SLC25A29: variants seen among roughly 807,000 people sequenced by gnomAD.
SLC25A29 encodes solute carrier family 25 member 29.
A neutral mutation model predicts 10.0 loss-of-function variants in SLC25A29; 13 were observed. The observed-to-expected ratio is 1.30, with a 90% CI of 0.85 to 2.07. The LOEUF (loss-of-function observed/expected upper bound fraction) is 2.07, where lower values mean the gene tolerates loss of function less well. Among genes scored for constraint, SLC25A29 ranks in the 30% most tolerant of loss-of-function variants. The pLI, the probability that SLC25A29 is intolerant of heterozygous loss-of-function variation, is 0.00. For missense variants in SLC25A29, 475 were observed against 447.6 expected (o/e 1.06, Z -0.55); for synonymous variants, 244 against 221.1 (o/e 1.10, Z -0.92).
At chr14:100,302,050 C>CTT (rs34185759) in intron 1 of SLC25A29, among the ~76,000 whole-genome samples, 11 of 146,038 alleles carry the variant, frequency 7.5e-5, no homozygotes, top group South Asian at 2.2e-4. Context: ...TAGAGCCTTT[C>CTT]TTTTTTTTTT....
chr14:100,296,069 CG>C lies in SLC25A29; in HGVS notation c.79-2693del, dbSNP rs781163180. On this transcript the variant is annotated intron_variant, in intron 2 of 3. Transcript: ENST00000359232. ...GTGACAGTACGGACTGACACAGACT[CG>C]GGTGGCCCCTGATGATCCTAGGGTA... 120 of 1,246,904 alleles carry C rather than the reference CG, an allele frequency of 9.6e-5. 1 individual carries two copies. Among genetic ancestry groups the C allele is most frequent in the Admixed American group, 2.9e-4 (12 of 41,248 alleles). The allele number at this position is 1,246,904 out of a possible 1,614,324, so 77.2% of individuals were successfully genotyped here. A position where few individuals can be genotyped will look rare whatever the true frequency, so the allele number is the denominator to read the frequency against.
the SLC25A29 span, chr14:100,281,087 A>AG: frequency 6.7e-6 from 1 of 148,336 alleles, no homozygotes; most frequent in Non-Finnish European, 1.5e-5. Context: ...AAAAAAAAAA[A>AG]GGAAACCTGA....
chr14:100,287,328 C>T (rs1891562793), downstream of SLC25A29, among the ~76,000 whole-genome samples: 1 of 152,270 alleles, frequency 6.6e-6, no homozygotes, highest in African/African-American at 2.4e-5. Context: ...TTTGCCTGAA[C>T]TCTGCACCAA....
rs1891723583 is a variant in SLC25A29, at chr14:100,291,913, A to G, written c.*370T>C. ...TGGTTGGCCATCAGAGACCCCCGGG[A>G]GCCAGCCTGCAGGGCAGGAGCACAA... On this transcript the variant is annotated 3_prime_UTR_variant, in exon 4 of 4. Coordinates refer to ENST00000359232, the MANE Select transcript of SLC25A29 (RefSeq NM_001039355.3). 3.4e-6 allele frequency: 1 copy of G among 294,078 alleles called. No individual in the cohort carries two copies. The highest frequency in any genetic ancestry group is 6.5e-6 in the Non-Finnish European group (1 of 154,586). The allele number at this position is 294,078 out of a possible 1,614,324, so 18.2% of individuals were successfully genotyped here.
At chr14:100,295,813 C>CGGT (rs1892106518) in intron 2 of SLC25A29, 5 of 1,289,534 alleles carry the variant, frequency 3.9e-6, no homozygotes, top group Non-Finnish European at 5.1e-6. Context: ...CAGGGATGGC[C>CGGT]GGTCACCCCC....
chr14:100,304,712 A>T (rs1420958253), intron 1 of SLC25A29, among the ~76,000 whole-genome samples: 1 of 152,206 alleles, frequency 6.6e-6, no homozygotes, highest in Non-Finnish European at 1.5e-5. Flanking sequence ...CCAGGCAAGG[A>T]GGCTGCGCGA....
chr14:100,297,372 G>A (rs1329410144), intron 2 of SLC25A29, among the ~76,000 whole-genome samples: 2 of 152,194 alleles, frequency 1.3e-5, no homozygotes, highest in Non-Finnish European at 2.9e-5. Flanking sequence ...AGTGCTCCCA[G>A]GCCTGCCAGG....
Position 100,292,305 on chromosome 14 carries a change from A to G in SLC25A29, c.890T>C (p.Leu297Pro). 6.6e-7 allele frequency: 1 copy of G among 1,524,924 alleles called. No homozygotes were observed. 94.5% of individuals were successfully genotyped at this position (1,524,924 alleles called of 1,614,324 possible). A position where few individuals can be genotyped will look rare whatever the true frequency, so the allele number is the denominator to read the frequency against. ...GCGTCACAGGCTGGAGGGCTGCGCC[A>G]GGGCAGGCCCCGCAGGGGCGGCGGG... ...AVPAAPAGPA[L>P]AQPSSL Residue 297 changes from leucine to proline, a missense_variant, in exon 4 of 4, where the codon CTG becomes CCG. Transcript: ENST00000359232.
rs1892960053 is a variant in SLC25A29 at position 100,306,413 on chromosome 14, C to G, written c.-181G>C. 1 of 443,070 alleles carries G rather than the reference C, an allele frequency of 2.3e-6. No individual in the cohort carries two copies. Among genetic ancestry groups the G allele is most frequent in the Non-Finnish European group, 3.6e-6 (1 of 277,264 alleles). 27.4% of individuals were successfully genotyped at this position (443,070 alleles called of 1,614,324 possible). A position where few individuals can be genotyped will look rare whatever the true frequency, so the allele number is the denominator to read the frequency against. On this transcript the variant is annotated 5_prime_UTR_variant, in exon 1 of 4. Coordinates refer to ENST00000359232, the MANE Select transcript of SLC25A29 (RefSeq NM_001039355.3). ...TGGGGATGGCGGCAGCAGCTAGACCCGCGCTGGTCCCTCGGCGGCAGCTGA... is the reference window on the plus strand; with the variant it reads ...TGGGGATGGCGGCAGCAGCTAGACCGGCGCTGGTCCCTCGGCGGCAGCTGA...
chr14:100,287,830 G>A (rs992573334), downstream of SLC25A29, among the ~76,000 whole-genome samples: 2 of 152,144 alleles, frequency 1.3e-5, no homozygotes, highest in East Asian at 1.9e-4. Flanking sequence ...TCTGCATGGC[G>A]GCTGGTGGTG....
At chr14:100,300,890 CCTTT>C (rs150047744) in intron 1 of SLC25A29, among the ~76,000 whole-genome samples, 4,046 of 151,804 alleles carry the variant, frequency 0.027, 113 homozygotes, top group South Asian at 0.07. Flanking sequence ...CTATTTATTC[CCTTT>C]CTTTTATTTA....
chr14:100,297,896 G>A (rs1892278201), intron 2 of SLC25A29: 1 of 152,306 alleles, frequency 6.6e-6, no homozygotes. Context: ...GCTGGCAGAG[G>A]GGCCCGGACC....
At position 100,292,724 on chromosome 14, in the gene SLC25A29, C is replaced by A. The variant is rs1192308458; in HGVS notation, c.471G>T (p.Thr157=). ...LRGVNRGMVS[T]LLRETPSFGV... ...CGAAGCTGGGCGTCTCACGCAGCAACGTGGACACCATGCCCCGGTTGACGC... is the reference window on the plus strand; with the variant it reads ...CGAAGCTGGGCGTCTCACGCAGCAAAGTGGACACCATGCCCCGGTTGACGC... Residue 157 remains threonine (T), a synonymous_variant, in exon 4 of 4, where the codon ACG becomes ACT. Transcript: ENST00000359232. 6.2e-7 allele frequency: 1 copy of A among 1,602,676 alleles called. No individual in the cohort carries two copies. The highest frequency in any genetic ancestry group is 2.3e-5 in the East Asian group (1 of 44,352).
At chr14:100,285,948 C>G in the SLC25A29 span, among the ~76,000 whole-genome samples, 1 of 152,136 alleles carries the variant, frequency 6.6e-6, no homozygotes, top group Admixed American at 6.5e-5. Flanking sequence ...CTGGAGCCCT[C>G]CAAGCTGGGG....
At position 100,306,382 on chromosome 14, in the gene SLC25A29, G is replaced by T; in HGVS notation, c.-150C>A. ...GCGGAGCCCGGGCAGGCGCGGTCAG[G>T]GATGGTGGGGATGGCGGCAGCAGCT... On this transcript the variant is annotated 5_prime_UTR_variant, in exon 1 of 4. Transcript: ENST00000359232. 1.6e-6 allele frequency: 1 copy of T among 644,470 alleles called. No individual in the cohort carries two copies. Among genetic ancestry groups the T allele is most frequent in the Non-Finnish European group, 2.2e-6 (1 of 457,814 alleles). 39.9% of individuals were successfully genotyped at this position (644,470 alleles called of 1,614,324 possible). A position where few individuals can be genotyped will look rare whatever the true frequency, so the allele number is the denominator to read the frequency against.
At chr14:100,295,995 T>G in intron 2 of SLC25A29, 1 of 1,289,486 alleles carries the variant, frequency 7.8e-7, no homozygotes, top group Non-Finnish European at 1.0e-6. Flanking sequence ...CCCAAGGGCC[T>G]GGGGGAATAA....
At chr14:100,295,757 C>T (rs369819624) in intron 2 of SLC25A29, 90 of 1,289,322 alleles carry the variant, frequency 7.0e-5, no homozygotes, top group Non-Finnish European at 8.5e-5. Context: ...CATCCAGGCG[C>T]GGAGCCCCCA....
intron 2 of SLC25A29, chr14:100,293,656 T>G: frequency 2.3e-6 from 1 of 442,264 alleles, no homozygotes; most frequent in Non-Finnish European, 4.2e-6. Flanking sequence ...GTTTACACTA[T>G]GGCTGCACAG....
In SLC25A29 at chr14:100,306,211, C is replaced by T. The variant is rs766509198; in HGVS notation, c.22G>A (p.Gly8Arg). Residue 8 changes from glycine to arginine, a missense_variant, in exon 1 of 4, where the codon GGA becomes AGA. Physicochemically the swap from Gly to Arg is moderately radical, Grantham distance 125. Coordinates refer to ENST00000359232, the MANE Select transcript of SLC25A29 (RefSeq NM_001039355.3). Reference sequence around the variant, plus strand: ...GCCGCCTCCTTACCCCCCGCGCATCCAGCCAAGAAGTCCAGCGCCATGGCC... The same window carrying T: ...GCCGCCTCCTTACCCCCCGCGCATCTAGCCAAGAAGTCCAGCGCCATGGCC... Reference protein sequence around the residue: MALDFLAGCAGGVAGVLV... With the variant: MALDFLARCAGGVAGVLV... The T allele has an allele frequency of 9.9e-6, 15 of 1,515,208 alleles. No homozygotes were observed. Among genetic ancestry groups the T allele is most frequent in the Non-Finnish European group, 1.3e-5 (15 of 1,138,816 alleles). The allele number at this position is 1,515,208 out of a possible 1,614,324, so 93.9% of individuals were successfully genotyped here.
Sources: gnomAD v4.1 joint callset for allele counts (sites outside exome capture counted in the v4.1 genomes callset) on GRCh38, gnomAD v4.1.1 for gene constraint, MANE v1.5 for transcripts, NCBI Gene and HGNC (gene_info 2026-07-23, HGNC 2026-07-21) for gene names.